ULK4: variants seen among roughly 807,000 people sequenced by gnomAD.
The protein encoded by ULK4 is inactive serine/threonine-protein kinase ULK4.
In ULK4, 133 loss-of-function variants were observed where a neutral mutation model predicts 160.6. The observed-to-expected ratio is 0.83, with a 90% CI of 0.72 to 0.96. ULK4 has a LOEUF of 0.96. ULK4 is among the 40% of genes least tolerant of loss of function. The pLI is 0.00. For missense variants in ULK4, 1,580 were observed against 1,499.5 expected (o/e 1.05, Z -0.89); for synonymous variants, 534 against 539.8 (o/e 0.99, Z 0.15).
intron 35 of ULK4, among the ~76,000 whole-genome samples, chr3:41,275,218 G>GAT (rs2125689402): frequency 6.6e-6 from 1 of 152,280 alleles, no homozygotes; most frequent in East Asian, 1.9e-4. Context: ...CTTGGGCTTT[G>GAT]GGGATCCTCT....
chr3:41,470,517 C>A (rs773153284), intron 32 of ULK4, among the ~76,000 whole-genome samples: 7 of 152,040 alleles, frequency 4.6e-5, no homozygotes, highest in Non-Finnish European at 1.0e-4. Flanking sequence ...ATAAAACACA[C>A]AAAATCACAA....
chr3:41,298,802 G>T (rs995009891), intron 35 of ULK4, among the ~76,000 whole-genome samples: 7 of 152,188 alleles, frequency 4.6e-5, no homozygotes, highest in Non-Finnish European at 8.8e-5. Flanking sequence ...AACCCAAAGG[G>T]ATGCACACTG....
intron 32 of ULK4, among the ~76,000 whole-genome samples, chr3:41,548,664 A>G (rs1039204317): frequency 2.5e-5 from 1 of 39,772 alleles, no homozygotes; most frequent in East Asian, 1.2e-3. Flanking sequence ...TGACCCACCC[A>G]CCCTCCCTGC....
intron 35 of ULK4, among the ~76,000 whole-genome samples, chr3:41,286,266 G>A (rs932141541): frequency 1.1e-4 from 16 of 152,072 alleles, no homozygotes; most frequent in African/African-American, 3.1e-4. Context: ...CCTCTGAGAC[G>A]GGCGTTATTT....
chr3:41,577,730 G>C (rs2088244470), intron 31 of ULK4, among the ~76,000 whole-genome samples: 1 of 152,072 alleles, frequency 6.6e-6, no homozygotes, highest in South Asian at 2.1e-4. Context: ...CTCTGAGAAA[G>C]GAATATAAAG....
At chr3:41,536,118 G>A (rs1319520501) in intron 32 of ULK4, among the ~76,000 whole-genome samples, 1 of 152,112 alleles carries the variant, frequency 6.6e-6, no homozygotes, top group East Asian at 1.9e-4. Context: ...GACTTTTGGA[G>A]CTCACAGTCA....
chr3:41,413,903 G>A (rs1412438977), intron 34 of ULK4, among the ~76,000 whole-genome samples: 2 of 152,160 alleles, frequency 1.3e-5, no homozygotes, highest in African/African-American at 4.8e-5. Flanking sequence ...ATCATTTTTA[G>A]TATAAGTACG....
At chr3:41,955,300 A>C (rs114791651) in intron 1 of ULK4, 370 of 152,950 alleles carry the variant, frequency 2.4e-3, no homozygotes, top group African/African-American at 7.9e-3. Flanking sequence ...AAAAATCAAT[A>C]AATATTCACA....
At chr3:41,278,333 A>G (rs1183056432) in intron 35 of ULK4, among the ~76,000 whole-genome samples, 4 of 152,212 alleles carry the variant, frequency 2.6e-5, no homozygotes, top group Non-Finnish European at 4.4e-5. Flanking sequence ...AGCAAGACCT[A>G]CTGCCTCTAT....
rs144495956 is a variant in ULK4, at chr3:41,878,616, A to G, written c.1656+5258T>C. 1.0e-3 allele frequency among the ~76,000 whole-genome samples: 152 copies of G among 147,990 alleles called. 2 individuals carry two copies. The highest frequency in any genetic ancestry group is 3.8e-3 in the African/African-American group (150 of 39,988). On this transcript the variant is annotated intron_variant, in intron 17 of 36. Coordinates refer to ENST00000301831, the MANE Select transcript of ULK4 (RefSeq NM_017886.4). ...GAAATTACAGAATAAGAAAATTATC[A>G]TTTTGCAACTCTAAAGGATTACTAC...
intron 35 of ULK4, among the ~76,000 whole-genome samples, chr3:41,393,726 A>G (rs2082001096): frequency 1.3e-5 from 2 of 152,092 alleles, no homozygotes; most frequent in African/African-American, 4.8e-5. Flanking sequence ...TAACTCTATT[A>G]CTTGTTTTTC....
chr3:41,638,145 A>T (rs2034037558), intron 30 of ULK4, among the ~76,000 whole-genome samples: 2 of 152,034 alleles, frequency 1.3e-5, no homozygotes, highest in Admixed American at 1.3e-4. Context: ...ATTTCACTAG[A>T]CTCTCAATAA....
chr3:41,608,653 C>G (rs1030784574), intron 31 of ULK4, among the ~76,000 whole-genome samples: 1 of 152,100 alleles, frequency 6.6e-6, no homozygotes, highest in Non-Finnish European at 1.5e-5. Context: ...TCACAGTAAG[C>G]CTTTTATTTT....
At chr3:41,614,527 T>C (rs1224709546) in intron 31 of ULK4, among the ~76,000 whole-genome samples, 1 of 152,236 alleles carries the variant, frequency 6.6e-6, no homozygotes, top group Non-Finnish European at 1.5e-5. Flanking sequence ...CATCTGCCTC[T>C]TCTCTATCCT....
intron 12 of ULK4, among the ~76,000 whole-genome samples, chr3:41,904,931 C>G (rs1335654268): frequency 6.6e-6 from 1 of 152,150 alleles, no homozygotes; most frequent in African/African-American, 2.4e-5. Flanking sequence ...CTAAATTGAT[C>G]TACACATTCA....
chr3:41,574,838 G>T (rs767089286), intron 31 of ULK4, among the ~76,000 whole-genome samples: 27 of 152,076 alleles, frequency 1.8e-4, no homozygotes, highest in Non-Finnish European at 3.1e-4. Flanking sequence ...GAGCCACTGC[G>T]CCAGGCCCCA....
At chr3:41,403,384 A>T (rs1218121749) in intron 34 of ULK4, among the ~76,000 whole-genome samples, 1 of 152,184 alleles carries the variant, frequency 6.6e-6, no homozygotes. Context: ...ATGAACATAA[A>T]ATTGTTCACA....
intron 35 of ULK4, among the ~76,000 whole-genome samples, chr3:41,364,946 G>A (rs2081226811): frequency 6.6e-6 from 1 of 152,190 alleles, no homozygotes; most frequent in Non-Finnish European, 1.5e-5. Flanking sequence ...TGCAGATACT[G>A]ATTCTGCAGG....
intron 35 of ULK4, among the ~76,000 whole-genome samples, chr3:41,349,160 ACTC>A (rs1280622242): frequency 1.3e-5 from 2 of 152,146 alleles, no homozygotes; most frequent in East Asian, 1.9e-4. Flanking sequence ...AGATGGCTGA[ACTC>A]CTACTGAATT....
Sources: gnomAD v4.1 joint callset for allele counts (sites outside exome capture counted in the v4.1 genomes callset) on GRCh38, gnomAD v4.1.1 for gene constraint, MANE v1.5 for transcripts, NCBI Gene and HGNC (gene_info 2026-07-23, HGNC 2026-07-21) for gene names.